ELAVL2: variants seen among roughly 807,000 people sequenced by gnomAD.
ELAVL2 encodes the protein ELAV-like protein 2.
In ELAVL2, 4 loss-of-function variants were observed where a neutral mutation model predicts 34.6. That is an observed-to-expected ratio of 0.12 (90% CI 0.06 to 0.26). The LOEUF (loss-of-function observed/expected upper bound fraction) is 0.26, where lower values mean the gene tolerates loss of function less well. Among genes scored for constraint, ELAVL2 ranks in the 10% least tolerant of loss-of-function variants. The probability of loss-of-function intolerance (pLI) is 1.00; values close to 1 mark genes in which losing one functional copy is unlikely to be tolerated. For synonymous variants in ELAVL2, 193 were observed against 154.8 expected (o/e 1.25, Z -1.83); for missense variants, 432 against 442.8 (o/e 0.98, Z 0.22).
At chr9:23,776,080 C>T (rs755720064) in intron 1 of ELAVL2, among the ~76,000 whole-genome samples, 47 of 152,254 alleles carry the variant, frequency 3.1e-4, no homozygotes, top group South Asian at 1.9e-3. Context: ...TGTTCCCTGC[C>T]AAGTGGGAAA....
At chr9:23,824,008 G>C (rs1304497972) in intron 1 of ELAVL2, among the ~76,000 whole-genome samples, 1 of 152,216 alleles carries the variant, frequency 6.6e-6, no homozygotes, top group African/African-American at 2.4e-5. Flanking sequence ...GTTTGTACAT[G>C]AGAGGGGGAA....
At chr9:23,746,002 G>T (rs960951727) in intron 2 of ELAVL2, among the ~76,000 whole-genome samples, 5 of 152,128 alleles carry the variant, frequency 3.3e-5, no homozygotes, top group East Asian at 3.9e-4. Context: ...ATAATCAAAA[G>T]GGGGAGGAAG....
intron 2 of ELAVL2, chr9:23,735,473 T>G (rs1208406547): frequency 3.3e-5 from 5 of 152,126 alleles, no homozygotes; most frequent in Admixed American, 2.6e-4. Context: ...GAGACAGGGT[T>G]TCGCCACGTT....
upstream of ELAVL2, chr9:23,829,768 A>T (rs1588889834): frequency 6.6e-6 from 1 of 152,328 alleles, no homozygotes; most frequent in South Asian, 2.1e-4. Flanking sequence ...AGAAAGAGGC[A>T]GGAATTAGCA....
intron 2 of ELAVL2, among the ~76,000 whole-genome samples, chr9:23,733,524 A>G (rs961200672): frequency 6.6e-6 from 1 of 152,192 alleles, no homozygotes; most frequent in African/African-American, 2.4e-5. Context: ...TGCAGGGATG[A>G]CTGCTGTTTC....
Position 23,789,063 on chromosome 9 carries a change from T to G in ELAVL2, c.-15-26814A>C, listed in dbSNP as rs151098479. Among the ~76,000 whole-genome samples the G allele has an allele frequency of 6.8e-3, 1,032 of 152,222 alleles. 47 individuals carry two copies. The highest frequency in any genetic ancestry group is 0.062 in the Admixed American group (954 of 15,282). ...GCTTCTGTATTCTTATAGAGGGCAG[T>G]GTAAGAATATAGTCCCCCAATTTTT... On this transcript the variant is annotated intron_variant, in intron 1 of 6. Transcript: ENST00000397312.
chr9:23,780,885 C>CA (rs2058966996), intron 1 of ELAVL2, among the ~76,000 whole-genome samples: 1 of 152,142 alleles, frequency 6.6e-6, no homozygotes, highest in Non-Finnish European at 1.5e-5. Flanking sequence ...ATAAAACAGT[C>CA]AGGGTTAGGA....
intron 1 of ELAVL2, among the ~76,000 whole-genome samples, chr9:23,781,347 A>C (rs970903887): frequency 1.3e-5 from 2 of 152,150 alleles, no homozygotes; most frequent in Non-Finnish European, 2.9e-5. Context: ...TCAAAGATAC[A>C]CATAAACACA....
At chr9:23,733,153 T>C (rs2046997659) in intron 2 of ELAVL2, among the ~76,000 whole-genome samples, 3 of 129,700 alleles carry the variant, frequency 2.3e-5, no homozygotes, top group African/African-American at 9.0e-5. Flanking sequence ...TTGACTGCAA[T>C]GGAATCATCT....
chr9:23,700,220 T>C (rs2036712003), intron 5 of ELAVL2, among the ~76,000 whole-genome samples: 1 of 152,202 alleles, frequency 6.6e-6, no homozygotes, highest in Non-Finnish European at 1.5e-5. Flanking sequence ...TTGGAAATAA[T>C]TTTTAAAAAT....
At position 23,690,545 on chromosome 9, in the gene ELAVL2, G is replaced by A. The variant is rs1390152279; in HGVS notation, c.*2012C>T. On this transcript the variant is annotated 3_prime_UTR_variant, in exon 7 of 7. Transcript: ENST00000397312. ...CCAATTGATTTCTGAATAGCATTGA[G>A]TGGGTCAGCATGAAAACTCGCTTAT... is the stretch of plus-strand genomic sequence containing the variant. The A allele has an allele frequency of 6.6e-6, 1 of 152,520 alleles. No individual in the cohort carries two copies. The highest frequency in any genetic ancestry group is 1.5e-5 in the Non-Finnish European group (1 of 67,996). 9.4% of individuals were successfully genotyped at this position (152,520 alleles called of 1,614,324 possible).
At chr9:23,838,000 A>G in the ELAVL2 span, among the ~76,000 whole-genome samples, 5 of 152,146 alleles carry the variant, frequency 3.3e-5, no homozygotes, top group African/African-American at 1.2e-4. Context: ...CAGTTTAATT[A>G]TTTAGCTTTT....
intron 2 of ELAVL2, among the ~76,000 whole-genome samples, chr9:23,751,584 T>A (rs931534209): frequency 1.3e-5 from 2 of 152,192 alleles, no homozygotes; most frequent in African/African-American, 4.8e-5. Flanking sequence ...ACATCATCTT[T>A]GATAAAATGA....
chr9:23,757,506 C>G (rs1264957151), intron 2 of ELAVL2, among the ~76,000 whole-genome samples: 1 of 151,782 alleles, frequency 6.6e-6, no homozygotes, highest in Non-Finnish European at 1.5e-5. Flanking sequence ...TTAAGGTCAC[C>G]TCTAGGGCTT....
rs565702509 is a variant in ELAVL2 at position 23,696,528 on chromosome 9, G to A, written c.714-3042C>T. On this transcript the variant is annotated intron_variant, in intron 5 of 6. Transcript: ENST00000397312. ...CTGTCACCCAGGCTGGAGTGCAGTG[G>A]CGTGATCTCGGCTCACTGCAAACTC... Among the ~76,000 whole-genome samples, 155 of 152,274 alleles carry A rather than the reference G, an allele frequency of 1.0e-3. No homozygotes were observed. In the Middle Eastern group the frequency reaches 0.014, roughly 13 times the overall value.
intron 3 of ELAVL2, among the ~76,000 whole-genome samples, chr9:23,722,459 T>A (rs1218392848): frequency 6.6e-6 from 1 of 152,222 alleles, no homozygotes; most frequent in Non-Finnish European, 1.5e-5. Flanking sequence ...CTGTCTCAAG[T>A]GCTCACTCTG....
the ELAVL2 span, among the ~76,000 whole-genome samples, chr9:23,842,677 A>G: frequency 2.0e-5 from 3 of 152,148 alleles, no homozygotes; most frequent in African/African-American, 7.2e-5. Context: ...AAAAACAAAC[A>G]AAAAGAATAT....
chr9:23,725,007 A>AG (rs1277625443), intron 3 of ELAVL2, among the ~76,000 whole-genome samples: 3 of 152,182 alleles, frequency 2.0e-5, no homozygotes, highest in Admixed American at 6.5e-5. Context: ...TTTTTAAATG[A>AG]GGGGTACTTT....
chr9:23,799,955 T>TC (rs2061388539), intron 1 of ELAVL2, among the ~76,000 whole-genome samples: 1 of 152,216 alleles, frequency 6.6e-6, no homozygotes, highest in Admixed American at 6.5e-5. Flanking sequence ...GTCCAAGGAC[T>TC]CTGTGGGTGG....
Sources: allele counts gnomAD v4.1 joint callset (sites outside exome capture counted in the v4.1 genomes callset), GRCh38; gene constraint gnomAD v4.1.1; transcripts MANE v1.5; gene names NCBI Gene and HGNC (gene_info 2026-07-23, HGNC 2026-07-21).